ARL5A: variants seen among roughly 807,000 people sequenced by gnomAD.
The protein encoded by ARL5A is ADP-ribosylation factor-like protein 5A.
Under a neutral mutation model 25.9 loss-of-function variants are expected in ARL5A, and 18 were observed. The observed-to-expected ratio is 0.69, with a 90% confidence interval of 0.48 to 1.03. The LOEUF (loss-of-function observed/expected upper bound fraction) is 1.03, where lower values mean the gene tolerates loss of function less well. Ranked by LOEUF, ARL5A falls within the 50% of genes least tolerant of loss-of-function variation. The pLI, the probability that ARL5A is intolerant of heterozygous loss-of-function variation, is 0.00. For synonymous variants in ARL5A, 61 were observed against 67.5 expected, an observed-to-expected ratio of 0.90 and a Z score of 0.47; for missense variants, 170 against 211.9, an observed-to-expected ratio of 0.80 and a Z score of 1.23.
At chr2:151,807,573 T>A (rs2099830258) in intron 4 of ARL5A, among the ~76,000 whole-genome samples, 1 of 152,202 alleles carries the variant, frequency 6.6e-6, no homozygotes, top group African/African-American at 2.4e-5. Flanking sequence ...GCTAGTACCT[T>A]CTAGCTGCAT....
intron 1 of ARL5A, among the ~76,000 whole-genome samples, chr2:151,826,512 A>T (rs1025761549): frequency 7.2e-5 from 11 of 152,240 alleles, no homozygotes; most frequent in African/African-American, 2.7e-4. Flanking sequence ...AAGTGGTGAT[A>T]ACTCTTTTTC....
chr2:151,812,486 T>A, intron 3 of ARL5A, 46 bp from the exon 4 acceptor site: 1 of 1,283,688 alleles, frequency 7.8e-7, no homozygotes, highest in East Asian at 2.5e-5. Context: ...CAATTTGGTA[T>A]CTGTAAAATT....
At position 151,828,199 on chromosome 2, in the gene ARL5A, C is replaced by A; in HGVS notation, c.-23G>T. The A allele has an allele frequency of 6.2e-7, 1 of 1,601,072 alleles. No individual in the cohort carries two copies. Among genetic ancestry groups the A allele is most frequent in the South Asian group, 1.1e-5 (1 of 90,292 alleles). On this transcript the variant is annotated 5_prime_UTR_variant, in exon 1 of 6. In the 5' UTR this introduces an upstream ATG that the reference lacks. Transcript: ENST00000295087. ...CATTCTCGGGCAGCGGACCCCCCCC[C>A]TCCAGACACCCGGGCCGCCTGGCTT...
intron 3 of ARL5A, among the ~76,000 whole-genome samples, chr2:151,812,742 A>G (rs1453983640): frequency 6.6e-6 from 1 of 152,202 alleles, no homozygotes; most frequent in Admixed American, 6.5e-5. Flanking sequence ...TATTTGCACT[A>G]CAAATCAACA....
intron 1 of ARL5A, among the ~76,000 whole-genome samples, chr2:151,820,393 C>A (rs1199322607): frequency 6.6e-6 from 1 of 152,088 alleles, no homozygotes; most frequent in Non-Finnish European, 1.5e-5. Context: ...GGCACAGTGG[C>A]TCACGCCTGT....
chr2:151,813,847 G>A (rs918564515), intron 3 of ARL5A, among the ~76,000 whole-genome samples: 4 of 152,056 alleles, frequency 2.6e-5, no homozygotes, highest in Admixed American at 6.6e-5. Context: ...CATTTGGTGA[G>A]CTAAACTCAG....
At chr2:151,810,098 A>AC (rs200009795) in intron 4 of ARL5A, among the ~76,000 whole-genome samples, 18 of 151,768 alleles carry the variant, frequency 1.2e-4, no homozygotes, top group South Asian at 1.0e-3. Flanking sequence ...AACAACAACA[A>AC]AAAAAAAAAC....
intron 1 of ARL5A, among the ~76,000 whole-genome samples, chr2:151,824,168 A>G (rs1027768117): frequency 2.6e-5 from 4 of 152,238 alleles, no homozygotes; most frequent in Non-Finnish European, 5.9e-5. Flanking sequence ...TTTCACTTTC[A>G]GTACAGTATT....
intron 5 of ARL5A, among the ~76,000 whole-genome samples, chr2:151,804,574 T>C (rs1028922999): frequency 1.3e-5 from 2 of 152,184 alleles, no homozygotes; most frequent in Non-Finnish European, 2.9e-5. Flanking sequence ...ACTAGATTCA[T>C]TACTTTTAAA....
intron 5 of ARL5A, among the ~76,000 whole-genome samples, chr2:151,805,658 T>G (rs960707189): frequency 6.6e-6 from 1 of 152,158 alleles, no homozygotes; most frequent in African/African-American, 2.4e-5. Flanking sequence ...GCTACACACC[T>G]ATACAGCATG....
intron 1 of ARL5A, among the ~76,000 whole-genome samples, chr2:151,817,158 G>A (rs1009885373): frequency 2.0e-5 from 3 of 152,100 alleles, no homozygotes; most frequent in South Asian, 2.1e-4. Flanking sequence ...ACTAAATGTC[G>A]GAATTATCCT....
chr2:151,827,773 A>C (rs1173491638), intron 1 of ARL5A: 11 of 302,880 alleles, frequency 3.6e-5, no homozygotes, highest in Non-Finnish European at 6.8e-5. Context: ...TGTGGTGTCC[A>C]AACACAACTG....
chr2:151,815,269 T>C (rs1252709534), intron 1 of ARL5A, 70 bp from the exon 2 acceptor site: 4 of 1,221,708 alleles, frequency 3.3e-6, no homozygotes, highest in Non-Finnish European at 4.7e-6. Flanking sequence ...TAGGAAAAAA[T>C]ATACTCTGTA....
chr2:151,812,813 T>C (rs2099831018), intron 3 of ARL5A, among the ~76,000 whole-genome samples: 1 of 152,054 alleles, frequency 6.6e-6, no homozygotes, highest in African/African-American at 2.4e-5. Flanking sequence ...TTTATTAATA[T>C]CAATCTGAAC....
chr2:151,822,012 G>A (rs2099832408), intron 1 of ARL5A, among the ~76,000 whole-genome samples: 1 of 151,918 alleles, frequency 6.6e-6, no homozygotes, highest in South Asian at 2.1e-4. Context: ...ACCACGCCCA[G>A]CTAATTTTTG....
chr2:151,816,892 T>C (rs1254493853), intron 1 of ARL5A, among the ~76,000 whole-genome samples: 2 of 152,206 alleles, frequency 1.3e-5, no homozygotes, highest in Non-Finnish European at 2.9e-5. Flanking sequence ...TGCTATCAAA[T>C]GGTTTTGCCC....
chr2:151,801,649 T>C lies in ARL5A; in HGVS notation c.*1627A>G, dbSNP rs1387753334. The C allele has an allele frequency of 6.6e-6, 1 of 152,156 alleles. No homozygotes were observed. Among genetic ancestry groups the C allele is most frequent in the East Asian group, 1.9e-4 (1 of 5,204 alleles). The allele number at this position is 152,156 out of a possible 1,614,324, so 9.4% of individuals were successfully genotyped here. On this transcript the variant is annotated 3_prime_UTR_variant, in exon 6 of 6. Transcript: ENST00000295087. ...ATGTTAAATACTGATATCCCATGCCTGACCTGGATTTAGATATTGAGTATT... is the reference window on the plus strand; with the variant it reads ...ATGTTAAATACTGATATCCCATGCCCGACCTGGATTTAGATATTGAGTATT...
intron 1 of ARL5A, among the ~76,000 whole-genome samples, chr2:151,823,965 G>T (rs945843793): frequency 6.6e-6 from 1 of 152,160 alleles, no homozygotes; most frequent in Non-Finnish European, 1.5e-5. Flanking sequence ...CTCCTACAAT[G>T]CCTCTCCAGT....
chr2:151,818,573 G>T (rs2099831840), intron 1 of ARL5A, among the ~76,000 whole-genome samples: 1 of 152,200 alleles, frequency 6.6e-6, no homozygotes, highest in Admixed American at 6.5e-5. Flanking sequence ...CACTGTACCT[G>T]GTCTGAATTC....
Sources: gnomAD v4.1 joint callset for allele counts (sites outside exome capture counted in the v4.1 genomes callset) on GRCh38, gnomAD v4.1.1 for gene constraint, MANE v1.5 for transcripts, NCBI Gene and HGNC (gene_info 2026-07-23, HGNC 2026-07-21) for gene names.